The following EIF3F variants were observed in gnomAD, a reference collection of about 807,000 sequenced individuals.
The protein encoded by EIF3F is deubiquitinating enzyme eIF3f.
Under a neutral mutation model 36.0 loss-of-function variants are expected in EIF3F, and 8 were observed. That is an observed-to-expected ratio of 0.22 (90% CI 0.13 to 0.40). The LOEUF (loss-of-function observed/expected upper bound fraction) is 0.40. Among genes scored for constraint, EIF3F ranks in the 10% least tolerant of loss-of-function variants. EIF3F has a pLI of 1.00. For synonymous variants in EIF3F, 184 were observed against 188.5 expected, an observed-to-expected ratio of 0.98 and a Z score of 0.19; for missense variants, 430 against 467.6, an observed-to-expected ratio of 0.92 and a Z score of 0.74.
chr11:7,991,931 CA>C, intron 2 of EIF3F, 80 bp downstream of exon 2: 1 of 1,552,952 alleles, frequency 6.4e-7, no homozygotes, highest in Non-Finnish European at 8.9e-7. Context: ...CTCCCACACT[CA>C]TAACTAGAGC....
intron 3 of EIF3F, 158 bp downstream of exon 3, chr11:7,992,321 A>C (rs960397271): frequency 4.3e-5 from 29 of 679,828 alleles, no homozygotes; most frequent in South Asian, 3.7e-4. Context: ...CTGTAATCCC[A>C]GCTGGGAGGC....
intron 5 of EIF3F, 48 bp from the exon 6 acceptor site, chr11:7,994,931 TCTC>T: frequency 6.2e-7 from 1 of 1,601,482 alleles, no homozygotes; most frequent in South Asian, 1.1e-5. Flanking sequence ...CTGAATTCTC[TCTC>T]TTACTGCCCA....
At position 7,987,733 on chromosome 11, in the gene EIF3F, A is replaced by T. The variant is rs1363168760; in HGVS notation, c.364+17A>T. The T allele has an allele frequency of 1.3e-6, 2 of 1,493,512 alleles. No individual in the cohort carries two copies. Among genetic ancestry groups the T allele is most frequent in the South Asian group, 2.7e-5 (2 of 72,884 alleles). The allele number at this position is 1,493,512 out of a possible 1,614,324, so 92.5% of individuals were successfully genotyped here. A position where few individuals can be genotyped will look rare whatever the true frequency, so the allele number is the denominator to read the frequency against. The stretch of plus-strand genomic sequence containing the variant: ...CCCTGTTGGGTGAGTGGTCAGAGAA[A>T]GTTAACATTCTTTTCTTCCTCCCAC... On this transcript the variant is annotated intron_variant, in intron 1 of 7. Coordinates refer to ENST00000651655, the MANE Select transcript of EIF3F (RefSeq NM_003754.3).
chr11:7,987,911 C>T, intron 1 of EIF3F, 195 bp downstream of exon 1: 2 of 778,048 alleles, frequency 2.6e-6, no homozygotes, highest in Non-Finnish European at 1.8e-6. Context: ...TCTCCTCTCT[C>T]TCCTGCCGGA....
At position 7,987,562 on chromosome 11, in the gene EIF3F, G is replaced by T. The variant is rs775110839; in HGVS notation, c.210G>T (p.Ala70=). 2 of 1,598,106 alleles carry T rather than the reference G, an allele frequency of 1.3e-6. No homozygotes were observed. The highest frequency in any genetic ancestry group is 1.7e-6 in the Non-Finnish European group (2 of 1,174,072). ...GQTPASAQAP[A]QTPAPALPGP... ...CCCCGGCCTCAGCGCAAGCTCCAGC[G>T]CAGACCCCAGCGCCCGCTCTGCCTG... The change falls in exon 1 of 8, where the codon GCG becomes GCT. Residue 70 remains alanine, a synonymous_variant. Coordinates refer to ENST00000651655, the MANE Select transcript of EIF3F (RefSeq NM_003754.3).
At chr11:7,989,969 T>G (rs1302566281) in intron 1 of EIF3F, among the ~76,000 whole-genome samples, 1 of 152,094 alleles carries the variant, frequency 6.6e-6, no homozygotes, top group Non-Finnish European at 1.5e-5. Flanking sequence ...GAAGACAAAA[T>G]GAAAGTCTAA....
intron 1 of EIF3F, 165 bp downstream of exon 1, chr11:7,987,881 T>C (rs897347471): frequency 2.8e-6 from 3 of 1,079,450 alleles, no homozygotes; most frequent in Admixed American, 4.1e-5. Context: ...CTGTGACTTA[T>C]CTTCTCAAGC....
rs1462572156 is a variant in EIF3F at position 7,999,020 on chromosome 11, T to C, written c.*2998T>C. ...GCTCATGCCTGTAATCCCAGCACTT[T>C]GGCAGGCTGAGATGGGTTAATCAAG... is the stretch of plus-strand genomic sequence containing the variant. On this transcript the variant is annotated 3_prime_UTR_variant, in exon 8 of 8. Coordinates refer to ENST00000651655, the MANE Select transcript of EIF3F (RefSeq NM_003754.3). 6.6e-6 allele frequency: 1 copy of C among 152,152 alleles called. No homozygotes were observed. The highest frequency in any genetic ancestry group is 1.9e-4 in the East Asian group (1 of 5,186). The allele number at this position is 152,152 out of a possible 1,614,324, so 9.4% of individuals were successfully genotyped here.
intron 4 of EIF3F, 55 bp downstream of exon 4, chr11:7,993,079 C>A: frequency 2.0e-6 from 3 of 1,505,606 alleles, no homozygotes; most frequent in Non-Finnish European, 1.8e-6. Flanking sequence ...TGCCATCCCT[C>A]CCCCACCCCA....
chr11:8,000,143 G>C lies in EIF3F; in HGVS notation c.*4121G>C, dbSNP rs191860650. On this transcript the variant is annotated 3_prime_UTR_variant, in exon 8 of 8. Coordinates refer to ENST00000651655, the MANE Select transcript of EIF3F (RefSeq NM_003754.3). The stretch of plus-strand genomic sequence containing the variant: ...GAACCCAGGAAGTGGAGATTTCAGT[G>C]AGCTGAGATTCCGCCACTGCAGTCC... The C allele has an allele frequency of 5.3e-5, 8 of 151,972 alleles. No individual in the cohort carries two copies. Among genetic ancestry groups the C allele is most frequent in the African/African-American group, 1.9e-4 (8 of 41,452 alleles). The allele number at this position is 151,972 out of a possible 1,614,324, so 9.4% of individuals were successfully genotyped here. A position where few individuals can be genotyped will look rare whatever the true frequency, so the allele number is the denominator to read the frequency against.
chr11:7,988,965 A>G (rs1942059341), intron 1 of EIF3F, among the ~76,000 whole-genome samples: 1 of 152,214 alleles, frequency 6.6e-6, no homozygotes, highest in East Asian at 1.9e-4. Flanking sequence ...CATTTTACAG[A>G]AACTTAAATT....
chr11:8,001,524 C>T lies in EIF3F; in HGVS notation c.*5502C>T, dbSNP rs1187269435. 6.6e-6 allele frequency: 1 copy of T among 152,024 alleles called. No homozygotes were observed. The highest frequency in any genetic ancestry group is 1.5e-5 in the Non-Finnish European group (1 of 68,012). 9.4% of individuals were successfully genotyped at this position (152,024 alleles called of 1,614,324 possible). A position where few individuals can be genotyped will look rare whatever the true frequency, so the allele number is the denominator to read the frequency against. On this transcript the variant is annotated 3_prime_UTR_variant, in exon 8 of 8. Transcript: ENST00000651655. ...GAAATTAAACAAAGTATGATATATC[C>T]ATAAAACACAATACTATGCAGCTGT...
chr11:7,991,418 A>G (rs115151656), intron 1 of EIF3F, among the ~76,000 whole-genome samples: 340 of 152,278 alleles, frequency 2.2e-3, no homozygotes, highest in African/African-American at 6.7e-3. Context: ...GTAACCATTA[A>G]AATATTCCAG....
Position 7,992,884 on chromosome 11 carries a change from C to T in EIF3F, c.516-3C>T. The T allele has an allele frequency of 6.2e-7, 1 of 1,614,048 alleles. No homozygotes were observed. On this transcript the variant is annotated splice_region_variant and splice_polypyrimidine_tract_variant and intron_variant, in intron 3 of 7. Transcript: ENST00000651655. ...GAGTCCACCACTGTGTTCCATTTCACAGGTACGCTACGGGCCATGACATCA... is the reference window on the plus strand; with the variant it reads ...GAGTCCACCACTGTGTTCCATTTCATAGGTACGCTACGGGCCATGACATCA...
rs1232656376 is a variant in EIF3F at position 7,999,672 on chromosome 11, C to T, written c.*3650C>T. On this transcript the variant is annotated 3_prime_UTR_variant, in exon 8 of 8. Coordinates refer to ENST00000651655, the MANE Select transcript of EIF3F (RefSeq NM_003754.3). ...TAGTTCAGTAGACTCAAAATGCAAG[C>T]GTTGGTGAGGGTATGGAGAAAAGGG... The T allele has an allele frequency of 2.0e-5, 3 of 152,040 alleles. No individual in the cohort carries two copies. Among genetic ancestry groups the T allele is most frequent in the Non-Finnish European group, 4.4e-5 (3 of 68,010 alleles). 9.4% of individuals were successfully genotyped at this position (152,040 alleles called of 1,614,324 possible). A position where few individuals can be genotyped will look rare whatever the true frequency, so the allele number is the denominator to read the frequency against.
chr11:7,989,885 G>C (rs560048865), intron 1 of EIF3F, among the ~76,000 whole-genome samples: 1 of 152,380 alleles, frequency 6.6e-6, no homozygotes, highest in Middle Eastern at 3.4e-3. Context: ...GAAGCTAGCA[G>C]AGGGCAGAGC....
At chr11:7,990,424 G>A (rs528704995) in intron 1 of EIF3F, among the ~76,000 whole-genome samples, 8 of 152,146 alleles carry the variant, frequency 5.3e-5, no homozygotes, top group Non-Finnish European at 7.3e-5. Flanking sequence ...AAAAATTGGC[G>A]TGTAAACTTT....
chr11:7,992,246 T>C (rs934856271), intron 3 of EIF3F, 83 bp downstream of exon 3: 11 of 1,205,296 alleles, frequency 9.1e-6, no homozygotes, highest in African/African-American at 6.0e-5. Context: ...CTGGATCTTA[T>C]ACTCTTCCTT....
In EIF3F at chr11:7,998,535, G is replaced by C. The variant is rs1942187510; in HGVS notation, c.*2513G>C. ...AAGAAGGCCTTGTTCCACCTCAGCT[G>C]GGAACATGGAGAGCAGGCAATTCAA... On this transcript the variant is annotated 3_prime_UTR_variant, in exon 8 of 8. Transcript: ENST00000651655. 6.6e-6 allele frequency: 1 copy of C among 152,162 alleles called. No homozygotes were observed. 9.4% of individuals were successfully genotyped at this position (152,162 alleles called of 1,614,324 possible).
Sources: gnomAD v4.1 joint callset for allele counts (sites outside exome capture counted in the v4.1 genomes callset) on GRCh38, gnomAD v4.1.1 for gene constraint, MANE v1.5 for transcripts, NCBI Gene and HGNC (gene_info 2026-07-23, HGNC 2026-07-21) for gene names.